Variants in NUP210L observed in about 807,000 individuals in gnomAD.
NUP210L encodes the protein nucleoporin 210 like.
A neutral mutation model predicts 208.5 loss-of-function variants in NUP210L; 74 were observed. The ratio of observed to expected loss-of-function variants is 0.35; its 90% CI spans 0.29 to 0.43. The LOEUF (loss-of-function observed/expected upper bound fraction) is 0.43. Ranked by LOEUF, NUP210L falls within the 20% of genes least tolerant of loss-of-function variation. NUP210L has a pLI of 1.00. For synonymous variants in NUP210L, 780 were observed against 816.9 expected, an observed-to-expected ratio of 0.95 and a Z score of 0.77; for missense variants, 1,843 against 2,289.4, an observed-to-expected ratio of 0.81 and a Z score of 3.98.
chr1:154,070,230 A>G, intron 17 of NUP210L, 43 bp downstream of exon 17: 1 of 1,446,506 alleles, frequency 6.9e-7, no homozygotes, highest in Non-Finnish European at 9.3e-7. Flanking sequence ...ACAAACAAAA[A>G]AACACTCAGG....
intron 1 of NUP210L, among the ~76,000 whole-genome samples, chr1:154,154,206 T>C (rs1411131647): frequency 6.6e-6 from 1 of 152,218 alleles, no homozygotes; most frequent in African/African-American, 2.4e-5. Context: ...AATCTTCTCA[T>C]ATTCCCAGAA....
At chr1:154,149,897 C>T (rs1028758559) in intron 2 of NUP210L, among the ~76,000 whole-genome samples, 2 of 152,074 alleles carry the variant, frequency 1.3e-5, no homozygotes, top group African/African-American at 4.8e-5. Flanking sequence ...TTGTCCAAAC[C>T]AGTTCTTCAT....
chr1:154,032,950 GAAGAAAAGAA>G (rs146703266), intron 27 of NUP210L, among the ~76,000 whole-genome samples: 30,803 of 124,290 alleles, frequency 0.25, 4,184 homozygotes, highest in Admixed American at 0.38. Context: ...AAGAAAGAAA[GAAGAAAAGAA>G]AAGAAAAGAA....
chr1:154,147,096 A>G (rs954810689), intron 2 of NUP210L, among the ~76,000 whole-genome samples: 1 of 152,194 alleles, frequency 6.6e-6, no homozygotes, highest in South Asian at 2.1e-4. Flanking sequence ...CTTTTAATGA[A>G]TAGCATATAC....
intron 31 of NUP210L, 133 bp downstream of exon 31, chr1:154,022,988 AT>A (rs1192261107): frequency 6.3e-5 from 60 of 954,456 alleles, no homozygotes; most frequent in Middle Eastern, 5.3e-4. Flanking sequence ...ACTTAAAAAA[AT>A]TTTTTTTAAC....
rs779487197 is a variant in NUP210L at position 154,060,893 on chromosome 1, A to G, written c.2748+49T>C. ...AATTGTTATGCTATTAATTTTAATAACTTCCCCTCCAATATGATTCCATTT... is the reference window on the plus strand; with the variant it reads ...AATTGTTATGCTATTAATTTTAATAGCTTCCCCTCCAATATGATTCCATTT... On this transcript the variant is annotated intron_variant, in intron 19 of 39. Transcript: ENST00000368559. 6 of 1,246,542 alleles carry G rather than the reference A, an allele frequency of 4.8e-6. No individual in the cohort carries two copies. In the South Asian group the frequency reaches 7.7e-5, roughly 16 times the overall value. 77.2% of individuals were successfully genotyped at this position (1,246,542 alleles called of 1,614,324 possible). A position where few individuals can be genotyped will look rare whatever the true frequency, so the allele number is the denominator to read the frequency against.
At chr1:154,113,789 T>TG (rs1657170241) in intron 12 of NUP210L, among the ~76,000 whole-genome samples, 1 of 107,380 alleles carries the variant, frequency 9.3e-6, no homozygotes, top group Non-Finnish European at 1.8e-5. Flanking sequence ...ACCTGGGAGG[T>TG]GGAGGTTGCA....
At chr1:154,000,730 A>T in intron 37 of NUP210L, 126 bp downstream of exon 37, 1 of 770,066 alleles carries the variant, frequency 1.3e-6, no homozygotes, top group Non-Finnish European at 2.2e-6. Context: ...TTTTTCATTT[A>T]TTTTTGGACC....
chr1:154,082,260 G>A (rs1485889624), intron 16 of NUP210L, among the ~76,000 whole-genome samples: 1 of 152,200 alleles, frequency 6.6e-6, no homozygotes, highest in Admixed American at 6.5e-5. Flanking sequence ...CATCTGAAGT[G>A]AGGGCAGTCT....
chr1:154,143,977 C>A (rs773098688), intron 2 of NUP210L, among the ~76,000 whole-genome samples: 2 of 152,082 alleles, frequency 1.3e-5, no homozygotes, highest in Admixed American at 1.3e-4. Context: ...GTCAGGAGAT[C>A]AAGACCATCC....
intron 15 of NUP210L, among the ~76,000 whole-genome samples, chr1:154,093,231 T>A (rs575011031): frequency 6.6e-6 from 1 of 151,902 alleles, no homozygotes; most frequent in South Asian, 2.1e-4. Flanking sequence ...GAGTTTGAGA[T>A]CAGCCTGACC....
intron 15 of NUP210L, 41 bp downstream of exon 15, chr1:154,094,894 T>C: frequency 7.0e-7 from 1 of 1,431,740 alleles, no homozygotes. Context: ...GGATTTGGAG[T>C]ATTACACTAA....
chr1:154,016,890 C>T (rs142743668), intron 33 of NUP210L, among the ~76,000 whole-genome samples: 111 of 152,144 alleles, frequency 7.3e-4, no homozygotes, highest in African/African-American at 2.4e-3. Flanking sequence ...AGCTTGAGCC[C>T]AGGAAGCAGA....
chr1:154,125,647 A>G (rs1238876653), intron 10 of NUP210L, among the ~76,000 whole-genome samples: 1 of 1,364 alleles, frequency 7.3e-4, no homozygotes, highest in African/African-American at 1.6e-3. Flanking sequence ...GGAAGGAAGG[A>G]AGGAAGGAAG....
At position 154,093,400 on chromosome 1, in the gene NUP210L, C is replaced by T. The variant is rs530715044; in HGVS notation, c.2187+1535G>A. ...CCAAGATTGTGCCATTGCACTCCCACCTGGGCAACAAGAGCGAAACTCCAT... is the reference window on the plus strand; with the variant it reads ...CCAAGATTGTGCCATTGCACTCCCATCTGGGCAACAAGAGCGAAACTCCAT... On this transcript the variant is annotated intron_variant, in intron 15 of 39. Coordinates refer to ENST00000368559, the Ensembl canonical transcript of NUP210L. Among the ~76,000 whole-genome samples, 281 of 152,110 alleles carry T rather than the reference C, an allele frequency of 1.8e-3. 1 individual carries two copies. The highest frequency in any genetic ancestry group is 3.4e-3 in the Non-Finnish European group (234 of 68,014).
chr1:153,994,000 C>A (rs1288039883), intron 38 of NUP210L, among the ~76,000 whole-genome samples: 2 of 152,116 alleles, frequency 1.3e-5, no homozygotes, highest in African/African-American at 2.4e-5. Flanking sequence ...GCCTCAGCTT[C>A]CCTAGTAGCT....
intron 35 of NUP210L, among the ~76,000 whole-genome samples, chr1:154,003,176 A>C (rs1650316683): frequency 6.9e-6 from 1 of 145,368 alleles, no homozygotes; most frequent in African/African-American, 2.6e-5. Context: ...ATGCCTGGCT[A>C]ATTTTTAATT....
chr1:154,135,018 G>A (rs1004084930), intron 7 of NUP210L, among the ~76,000 whole-genome samples: 2 of 151,482 alleles, frequency 1.3e-5, no homozygotes, highest in African/African-American at 2.4e-5. Flanking sequence ...GATTACATGC[G>A]TGAGCCACCA....
At chr1:154,134,516 T>C (rs1198148025) in intron 7 of NUP210L, among the ~76,000 whole-genome samples, 1 of 147,606 alleles carries the variant, frequency 6.8e-6, no homozygotes, top group Non-Finnish European at 1.5e-5. Context: ...GGCGGGCAGA[T>C]CACAAGGTCA....
Sources: allele counts gnomAD v4.1 joint callset (sites outside exome capture counted in the v4.1 genomes callset), GRCh38; gene constraint gnomAD v4.1.1; transcripts MANE v1.5; gene names NCBI Gene and HGNC (gene_info 2026-07-23, HGNC 2026-07-21).